The following XRCC4 variants were observed in gnomAD, a reference collection of about 807,000 sequenced individuals.
The protein encoded by XRCC4 is DNA repair protein XRCC4.
A neutral mutation model predicts 39.1 loss-of-function variants in XRCC4; 28 were observed. The ratio of observed to expected loss-of-function variants is 0.72; its 90% CI spans 0.53 to 0.98. XRCC4 has a LOEUF of 0.98. Ranked by LOEUF, XRCC4 falls within the 50% of genes least tolerant of loss-of-function variation. XRCC4 has a pLI of 0.00. For synonymous variants in XRCC4, 123 were observed against 126.4 expected (o/e 0.97, Z 0.18); for missense variants, 350 against 376.4 (o/e 0.93, Z 0.58).
At chr5:83,287,126 A>C (rs1754763371) in intron 7 of XRCC4, among the ~76,000 whole-genome samples, 1 of 152,088 alleles carries the variant, frequency 6.6e-6, no homozygotes, top group South Asian at 2.1e-4. Flanking sequence ...ACTCTTCTCC[A>C]GCCCATTCTC....
At chr5:83,078,852 G>A (rs1441694509) in intron 1 of XRCC4, among the ~76,000 whole-genome samples, 1 of 152,120 alleles carries the variant, frequency 6.6e-6, no homozygotes, top group Non-Finnish European at 1.5e-5. Context: ...TCCACCTAAG[G>A]ATAAAAAAAG....
At chr5:83,316,640 C>A (rs1259184506) in intron 7 of XRCC4, among the ~76,000 whole-genome samples, 3 of 134,572 alleles carry the variant, frequency 2.2e-5, no homozygotes, top group Non-Finnish European at 3.2e-5. Flanking sequence ...ATCAATTCAA[C>A]AAGAGGAGCT....
At chr5:83,370,026 A>T in the XRCC4 span, among the ~76,000 whole-genome samples, 1 of 151,924 alleles carries the variant, frequency 6.6e-6, no homozygotes, top group Non-Finnish European at 1.5e-5. Context: ...AATCTTCTGT[A>T]CTCATTTCAA....
chr5:83,126,113 T>A (rs1747251194), intron 3 of XRCC4, among the ~76,000 whole-genome samples: 1 of 151,782 alleles, frequency 6.6e-6, no homozygotes. Flanking sequence ...AGTTTTACTC[T>A]ATTTATTTAA....
At position 83,353,303 on chromosome 5, in the gene XRCC4, GA is replaced by G; in HGVS notation, c.*66del. On this transcript the variant is annotated 3_prime_UTR_variant, in exon 8 of 8. Coordinates refer to ENST00000396027, the MANE Select transcript of XRCC4 (RefSeq NM_003401.5). ...TGTTTTCTATTCATTTCTTTAAAAT[GA>G]AAAAGGAGAATTTCAAGTCAGCAGC... 7.6e-7 allele frequency: 1 copy of G among 1,319,158 alleles called. No individual in the cohort carries two copies. Among genetic ancestry groups the G allele is most frequent in the Admixed American group, 2.4e-5 (1 of 41,764 alleles). The allele number at this position is 1,319,158 out of a possible 1,614,324, so 81.7% of individuals were successfully genotyped here.
intron 6 of XRCC4, among the ~76,000 whole-genome samples, chr5:83,238,052 C>T (rs1462129051): frequency 6.6e-6 from 1 of 152,042 alleles, no homozygotes; most frequent in African/African-American, 2.4e-5. Flanking sequence ...TAGCCCAGTA[C>T]TGCCTCAAAC....
At position 83,306,209 on chromosome 5, in the gene XRCC4, T is replaced by TTA. The variant is rs377381423; in HGVS notation, c.894-46909_894-46908dup. 2.2e-3 allele frequency among the ~76,000 whole-genome samples: 340 copies of TTA among 151,404 alleles called. 2 individuals carry two copies. The highest frequency in any genetic ancestry group is 0.017 in the Admixed American group (251 of 15,206). On this transcript the variant is annotated intron_variant, in intron 7 of 7. Coordinates refer to ENST00000396027, the MANE Select transcript of XRCC4 (RefSeq NM_003401.5). ...GTGGACTGATGCATAATCAGTACTT[T>TTA]TATATATATATATACACACACACAA...
chr5:83,192,349 C>T (rs913713085), intron 3 of XRCC4, among the ~76,000 whole-genome samples: 3 of 148,720 alleles, frequency 2.0e-5, no homozygotes, highest in East Asian at 2.0e-4. Context: ...TGCTCTGTCA[C>T]CAGGCTGGAG....
At chr5:83,162,098 C>G (rs1172086149) in intron 3 of XRCC4, among the ~76,000 whole-genome samples, 1 of 152,124 alleles carries the variant, frequency 6.6e-6, no homozygotes, top group Non-Finnish European at 1.5e-5. Context: ...ACCCGGGAGG[C>G]AGAGCTTGCA....
rs111638100 is a variant in XRCC4 at position 83,265,121 on chromosome 5, G to A, written c.893+6444G>A. Among the ~76,000 whole-genome samples, 695 of 152,178 alleles carry A rather than the reference G, an allele frequency of 4.6e-3. 2 individuals carry two copies. Among genetic ancestry groups the A allele is most frequent in the African/African-American group, 0.016 (665 of 41,524 alleles). On this transcript the variant is annotated intron_variant, in intron 7 of 7. Transcript: ENST00000396027. ...ATACCTTGATTCTTAAAAATTGCTA[G>A]CAATGTATTCAAAGTTTAAATCTCA...
At chr5:83,275,296 GTT>G (rs59794451) in intron 7 of XRCC4, among the ~76,000 whole-genome samples, 8 of 141,492 alleles carry the variant, frequency 5.7e-5, no homozygotes, top group African/African-American at 2.6e-5. Context: ...GCTAGGTTAG[GTT>G]TTTTTTTTTT....
chr5:83,287,583 A>G (rs1441827572), intron 7 of XRCC4, among the ~76,000 whole-genome samples: 3 of 151,960 alleles, frequency 2.0e-5, no homozygotes, highest in Non-Finnish European at 4.4e-5. Flanking sequence ...TTCATGATAC[A>G]TTTCCATCCA....
At position 83,257,763 on chromosome 5, in the gene XRCC4, A is replaced by C. The variant is rs150371557; in HGVS notation, c.746-767A>C. On this transcript the variant is annotated intron_variant, in intron 6 of 7. Coordinates refer to ENST00000396027, the MANE Select transcript of XRCC4 (RefSeq NM_003401.5). ...GTATGTTTATTGCAGCTCTATTTAC[A>C]ATAGCAAAGACTTGGAACCAACCGA... 2.5e-3 allele frequency among the ~76,000 whole-genome samples: 376 copies of C among 152,314 alleles called. 3 individuals carry two copies. Among genetic ancestry groups the C allele is most frequent in the African/African-American group, 8.6e-3 (357 of 41,576 alleles).
rs28360342 is a variant in XRCC4, at chr5:83,353,343, T to A, written c.*101T>A. On this transcript the variant is annotated 3_prime_UTR_variant, in exon 8 of 8. Coordinates refer to ENST00000396027, the MANE Select transcript of XRCC4 (RefSeq NM_003401.5). ...CAAGTCAGCAGCCGCTATTACCGTATCTTACAATTTAATTACATACACAGT... is the reference window on the plus strand; with the variant it reads ...CAAGTCAGCAGCCGCTATTACCGTAACTTACAATTTAATTACATACACAGT... 1.1e-6 allele frequency: 1 copy of A among 897,890 alleles called. No homozygotes were observed. Among genetic ancestry groups the A allele is most frequent in the African/African-American group, 1.7e-5 (1 of 58,376 alleles). The allele number at this position is 897,890 out of a possible 1,614,324, so 55.6% of individuals were successfully genotyped here. A position where few individuals can be genotyped will look rare whatever the true frequency, so the allele number is the denominator to read the frequency against.
At chr5:83,237,689 G>A (rs1561423939) in intron 6 of XRCC4, among the ~76,000 whole-genome samples, 1 of 152,010 alleles carries the variant, frequency 6.6e-6, no homozygotes, top group Non-Finnish European at 1.5e-5. Flanking sequence ...ACTGTAGTTA[G>A]GAATGTACTG....
At chr5:83,211,492 G>T (rs1751644106) in intron 6 of XRCC4, among the ~76,000 whole-genome samples, 1 of 152,180 alleles carries the variant, frequency 6.6e-6, no homozygotes, top group Admixed American at 6.5e-5. Context: ...ATGCACTTTT[G>T]CAGTAGAGAC....
At chr5:83,316,175 A>G (rs987173790) in intron 7 of XRCC4, among the ~76,000 whole-genome samples, 3 of 152,046 alleles carry the variant, frequency 2.0e-5, no homozygotes, top group African/African-American at 7.2e-5. Flanking sequence ...GGAGAACTAG[A>G]ATTAGAAGTG....
chr5:83,198,997 G>A (rs1375321395), intron 4 of XRCC4, among the ~76,000 whole-genome samples: 1 of 152,058 alleles, frequency 6.6e-6, no homozygotes, highest in African/African-American at 2.4e-5. Context: ...TTTGCACTCA[G>A]ACCTCTACTT....
chr5:83,108,537 T>G (rs1433148816), intron 2 of XRCC4, among the ~76,000 whole-genome samples: 1 of 151,894 alleles, frequency 6.6e-6, no homozygotes, highest in Non-Finnish European at 1.5e-5. Flanking sequence ...GCACTTGAAT[T>G]TGAGCTCCAC....
Sources: gnomAD v4.1 joint callset for allele counts (sites outside exome capture counted in the v4.1 genomes callset) on GRCh38, gnomAD v4.1.1 for gene constraint, MANE v1.5 for transcripts, NCBI Gene and HGNC (gene_info 2026-07-23, HGNC 2026-07-21) for gene names.